Variants in PLPP4 observed in about 807,000 individuals in gnomAD.
The protein encoded by PLPP4 is phospholipid phosphatase 4.
A neutral mutation model predicts 32.2 loss-of-function variants in PLPP4; 20 were observed. The observed-to-expected ratio is 0.62, with a 90% CI of 0.44 to 0.90. The LOEUF is 0.90. Ranked by LOEUF, PLPP4 falls within the 40% of genes least tolerant of loss-of-function variation. PLPP4 has a pLI of 0.00. For missense variants in PLPP4, 257 were observed against 353.1 expected (o/e 0.73, Z 2.18); for synonymous variants, 127 against 133.0 (o/e 0.95, Z 0.31).
chr10:120,511,775 G>A (rs1475019592), intron 2 of PLPP4, among the ~76,000 whole-genome samples: 3 of 152,158 alleles, frequency 2.0e-5, no homozygotes, highest in African/African-American at 7.2e-5. Context: ...ATCAGCATCA[G>A]TACCATTTGA....
At chr10:120,482,334 G>A (rs1430720686) in intron 1 of PLPP4, among the ~76,000 whole-genome samples, 2 of 152,288 alleles carry the variant, frequency 1.3e-5, no homozygotes, top group South Asian at 4.1e-4. Flanking sequence ...TTCAGGCTGA[G>A]GTGGTCTCAG....
At chr10:120,460,100 T>TG (rs1347983828) in intron 1 of PLPP4, among the ~76,000 whole-genome samples, 2 of 152,152 alleles carry the variant, frequency 1.3e-5, no homozygotes, top group Non-Finnish European at 2.9e-5. Flanking sequence ...AGGAAATTAG[T>TG]AGAGTAATGC....
At chr10:120,525,311 T>G (rs1352195757) in intron 5 of PLPP4, among the ~76,000 whole-genome samples, 2 of 152,214 alleles carry the variant, frequency 1.3e-5, no homozygotes, top group South Asian at 2.1e-4. Context: ...GCAAGACCAG[T>G]GCACTCAAAT....
At position 120,578,717 on chromosome 10, in the gene PLPP4, A is replaced by G. The variant is rs111604373; in HGVS notation, c.616+3416A>G. Reference sequence around the variant, plus strand: ...TTAAGTGACGAAAATACAGAGGCACAGGCCATGGCATAGGGAAGGAGACAT... The same window carrying G: ...TTAAGTGACGAAAATACAGAGGCACGGGCCATGGCATAGGGAAGGAGACAT... On this transcript the variant is annotated intron_variant, in intron 6 of 6. Transcript: ENST00000398250. Among the ~76,000 whole-genome samples the G allele has an allele frequency of 1.2e-4, 18 of 152,358 alleles. 1 individual carries two copies. The highest frequency in any genetic ancestry group is 4.3e-4 in the African/African-American group (18 of 41,576).
At chr10:120,549,206 A>G (rs1176049865) in intron 5 of PLPP4, among the ~76,000 whole-genome samples, 2 of 151,628 alleles carry the variant, frequency 1.3e-5, no homozygotes, top group Non-Finnish European at 2.9e-5. Flanking sequence ...AAGAAAAGCT[A>G]TTAAATATTT....
intron 3 of PLPP4, among the ~76,000 whole-genome samples, chr10:120,514,711 C>T (rs1443753170): frequency 6.6e-6 from 1 of 152,118 alleles, no homozygotes; most frequent in African/African-American, 2.4e-5. Flanking sequence ...GCCAAAACGA[C>T]TTGGCTTGTT....
intron 5 of PLPP4, among the ~76,000 whole-genome samples, chr10:120,555,660 G>A (rs1571102): frequency 0.38 from 57,747 of 152,052 alleles, 11,060 homozygotes; most frequent in East Asian, 0.55. Context: ...TCTGCCTGGC[G>A]TAGTGCCTGC....
At chr10:120,557,590 A>C (rs188445861) in intron 5 of PLPP4, among the ~76,000 whole-genome samples, 1 of 152,212 alleles carries the variant, frequency 6.6e-6, no homozygotes, top group South Asian at 2.1e-4. Context: ...GCTGAATCAC[A>C]GTTGTCACAA....
chr10:120,528,517 A>G (rs1478798927), intron 5 of PLPP4, among the ~76,000 whole-genome samples: 1 of 152,250 alleles, frequency 6.6e-6, no homozygotes, highest in Non-Finnish European at 1.5e-5. Flanking sequence ...GAAAGCTCCC[A>G]GATTCACTGA....
intron 1 of PLPP4, among the ~76,000 whole-genome samples, chr10:120,496,860 T>TGAGA (rs139413628): frequency 5.5e-5 from 8 of 144,352 alleles, no homozygotes; most frequent in East Asian, 2.0e-4. Flanking sequence ...AGCATGGGAG[T>TGAGA]GAGAGAGAGA....
At chr10:120,563,325 A>G (rs1406161876) in intron 5 of PLPP4, among the ~76,000 whole-genome samples, 1 of 152,248 alleles carries the variant, frequency 6.6e-6, no homozygotes, top group Non-Finnish European at 1.5e-5. Flanking sequence ...ATTGGAAAAT[A>G]TATAAGACTT....
chr10:120,581,251 G>A (rs1046613592), intron 6 of PLPP4: 2 of 985,284 alleles, frequency 2.0e-6, no homozygotes, highest in African/African-American at 3.5e-5. Flanking sequence ...AAGGGAACCT[G>A]TCTCTTCTCA....
At chr10:120,489,051 A>C (rs1031528509) in intron 1 of PLPP4, among the ~76,000 whole-genome samples, 7 of 152,054 alleles carry the variant, frequency 4.6e-5, no homozygotes, top group Non-Finnish European at 8.8e-5. Context: ...CTCCCTCCCT[A>C]CTTCCTTTTG....
intron 1 of PLPP4, among the ~76,000 whole-genome samples, chr10:120,479,411 A>G (rs1233407481): frequency 1.3e-5 from 2 of 152,238 alleles, no homozygotes; most frequent in Admixed American, 1.3e-4. Flanking sequence ...ATCACTGAGC[A>G]TCTGTCCCAT....
chr10:120,527,878 T>G (rs1846479704), intron 5 of PLPP4, among the ~76,000 whole-genome samples: 1 of 152,100 alleles, frequency 6.6e-6, no homozygotes, highest in South Asian at 2.1e-4. Flanking sequence ...TTTAATGCCA[T>G]CGAGCATGAA....
intron 6 of PLPP4, among the ~76,000 whole-genome samples, chr10:120,586,829 T>C (rs1019543933): frequency 6.6e-6 from 1 of 152,036 alleles, no homozygotes; most frequent in African/African-American, 2.4e-5. Flanking sequence ...GGGGAGGGAC[T>C]ATTAACATGT....
chr10:120,545,254 C>T (rs1462764067), intron 5 of PLPP4, among the ~76,000 whole-genome samples: 1 of 152,182 alleles, frequency 6.6e-6, no homozygotes, highest in East Asian at 1.9e-4. Context: ...GGGTGGAGGC[C>T]CAAGGCTTCC....
At chr10:120,556,768 T>C (rs1231130648) in intron 5 of PLPP4, among the ~76,000 whole-genome samples, 1 of 152,156 alleles carries the variant, frequency 6.6e-6, no homozygotes, top group Non-Finnish European at 1.5e-5. Context: ...TTGCTTGAGG[T>C]CACACAGCAA....
chr10:120,558,708 C>T (rs567283555), intron 5 of PLPP4, among the ~76,000 whole-genome samples: 59 of 152,138 alleles, frequency 3.9e-4, no homozygotes, highest in Non-Finnish European at 7.1e-4. Flanking sequence ...TGAGCCACCA[C>T]GCCCAGGCTA....
Sources: allele counts gnomAD v4.1 joint callset (sites outside exome capture counted in the v4.1 genomes callset), GRCh38; gene constraint gnomAD v4.1.1; transcripts MANE v1.5; gene names NCBI Gene and HGNC (gene_info 2026-07-23, HGNC 2026-07-21).